Variants in LMX1B observed in about 807,000 individuals in gnomAD.
LMX1B encodes LIM homeobox transcription factor 1 beta.
Under a neutral mutation model 51.4 loss-of-function variants are expected in LMX1B, and 12 were observed. The ratio of observed to expected loss-of-function variants is 0.23; its 90% CI spans 0.15 to 0.38. The LOEUF (loss-of-function observed/expected upper bound fraction) is 0.38. LMX1B is among the 10% of genes least tolerant of loss of function. The pLI, the probability that LMX1B is intolerant of heterozygous loss-of-function variation, is 1.00. For synonymous variants in LMX1B, 237 were observed against 235.4 expected, an observed-to-expected ratio of 1.01 and a Z score of -0.06; for missense variants, 445 against 571.1, an observed-to-expected ratio of 0.78 and a Z score of 2.25.
rs1835671830 is a variant in LMX1B, at chr9:126,633,894, G to A, written c.326+18325G>A. On this transcript the variant is annotated intron_variant, in intron 2 of 7. Coordinates refer to ENST00000373474, the MANE Select transcript of LMX1B (RefSeq NM_001174147.2). ...CCCATTTCAGCGATATGGAGACTGA[G>A]GCACAGAAAGGGGTAGTCGGCAGTC... Among the ~76,000 whole-genome samples the A allele has an allele frequency of 2.0e-5, 3 of 152,280 alleles. No homozygotes were observed. The South Asian group carries it at 6.2e-4, about 32-fold the overall frequency.
intron 2 of LMX1B, among the ~76,000 whole-genome samples, chr9:126,630,006 C>T (rs571833687): frequency 6.6e-6 from 1 of 151,968 alleles, no homozygotes; most frequent in East Asian, 1.9e-4. Flanking sequence ...ATTAGCTGGG[C>T]GTCATGGCAG....
chr9:126,696,724 C>T lies in LMX1B; in HGVS notation c.*273C>T. 1.8e-6 allele frequency: 1 copy of T among 546,008 alleles called. No homozygotes were observed. The allele number at this position is 546,008 out of a possible 1,614,324, so 33.8% of individuals were successfully genotyped here. The stretch of plus-strand genomic sequence containing the variant: ...TCGGACGGCCACTCGCCTCCCAGCC[C>T]CACCTCGGCCTCCATCGCCTCCTCC... On this transcript the variant is annotated 3_prime_UTR_variant, in exon 8 of 8. Coordinates refer to ENST00000373474, the MANE Select transcript of LMX1B (RefSeq NM_001174147.2).
intron 2 of LMX1B, among the ~76,000 whole-genome samples, chr9:126,630,008 T>G (rs1835604596): frequency 1.3e-5 from 2 of 151,594 alleles, no homozygotes; most frequent in Admixed American, 1.3e-4. Context: ...TAGCTGGGCG[T>G]CATGGCAGGC....
At chr9:126,639,817 T>G (rs1235881127) in intron 2 of LMX1B, among the ~76,000 whole-genome samples, 1 of 152,252 alleles carries the variant, frequency 6.6e-6, no homozygotes, top group African/African-American at 2.4e-5. Context: ...TCGATTTTTA[T>G]TCTTCTGTCA....
intron 2 of LMX1B, among the ~76,000 whole-genome samples, chr9:126,674,895 C>G (rs1836525130): frequency 1.3e-5 from 2 of 152,194 alleles, no homozygotes; most frequent in African/African-American, 4.8e-5. Context: ...TCAAGCCACT[C>G]CCTACTTAAA....
At chr9:126,682,445 G>A (rs1420589727) in intron 2 of LMX1B, among the ~76,000 whole-genome samples, 1 of 152,180 alleles carries the variant, frequency 6.6e-6, no homozygotes, top group African/African-American at 2.4e-5. Flanking sequence ...TTATCTACGT[G>A]TTAAAATAGA....
chr9:126,631,050 G>T (rs1046616983), intron 2 of LMX1B, among the ~76,000 whole-genome samples: 3 of 152,232 alleles, frequency 2.0e-5, no homozygotes, highest in African/African-American at 7.2e-5. Context: ...GGTTCTAGTC[G>T]GCAGGCCTGG....
chr9:126,639,655 A>G (rs1367152862), intron 2 of LMX1B, among the ~76,000 whole-genome samples: 1 of 152,134 alleles, frequency 6.6e-6, no homozygotes, highest in African/African-American at 2.4e-5. Flanking sequence ...CTCAGCTGAC[A>G]GTCTCCCCTG....
chr9:126,652,700 C>T (rs1468068332), intron 2 of LMX1B, among the ~76,000 whole-genome samples: 1 of 152,220 alleles, frequency 6.6e-6, no homozygotes, highest in African/African-American at 2.4e-5. Flanking sequence ...GGACTGGGCA[C>T]TGCTTGGCGT....
At chr9:126,619,320 G>T (rs1486850687) in intron 2 of LMX1B, among the ~76,000 whole-genome samples, 2 of 152,154 alleles carry the variant, frequency 1.3e-5, no homozygotes, top group African/African-American at 4.8e-5. Context: ...GTTCGGGTGT[G>T]GCCCAGGGGG....
intron 3 of LMX1B, among the ~76,000 whole-genome samples, chr9:126,692,188 C>T (rs962132528): frequency 2.0e-5 from 3 of 152,224 alleles, no homozygotes; most frequent in Non-Finnish European, 4.4e-5. Context: ...CTGGGCAGGG[C>T]ACTGCTGCAG....
At chr9:126,665,176 G>T (rs1836318919) in intron 2 of LMX1B, among the ~76,000 whole-genome samples, 1 of 152,208 alleles carries the variant, frequency 6.6e-6, no homozygotes, top group Non-Finnish European at 1.5e-5. Context: ...CGCCTCTCTG[G>T]CTTCCTCCAG....
In LMX1B at chr9:126,696,548, A is replaced by G; in HGVS notation, c.*97A>G. ...CACCCCCGCCCTGCTCTCCGCACAG[A>G]CTACAGACAGCCATACGGTGCCCTC... On this transcript the variant is annotated 3_prime_UTR_variant, in exon 8 of 8. Coordinates refer to ENST00000373474, the MANE Select transcript of LMX1B (RefSeq NM_001174147.2). The G allele has an allele frequency of 6.9e-7, 1 of 1,440,408 alleles. No individual in the cohort carries two copies. The highest frequency in any genetic ancestry group is 9.7e-7 in the Non-Finnish European group (1 of 1,030,874). The allele number at this position is 1,440,408 out of a possible 1,614,324, so 89.2% of individuals were successfully genotyped here. A position where few individuals can be genotyped will look rare whatever the true frequency, so the allele number is the denominator to read the frequency against.
rs1431625446 is a variant in LMX1B, at chr9:126,658,338, A to T, written c.327-32498A>T. 2.6e-5 allele frequency among the ~76,000 whole-genome samples: 4 copies of T among 151,890 alleles called. No homozygotes were observed. The highest frequency in any genetic ancestry group is 9.7e-5 in the African/African-American group (4 of 41,308). On this transcript the variant is annotated intron_variant, in intron 2 of 7. Transcript: ENST00000373474. This position sits in a 1 kb window ranked among gnomAD's most constrained non-coding sequence, Gnocchi z 4.0. Reference sequence around the variant, plus strand: ...GGATCCCTTTGGCCAGGGTGTGGGGAGTGGGTAACAGCAAGCCAGCCTCAA... The same window carrying T: ...GGATCCCTTTGGCCAGGGTGTGGGGTGTGGGTAACAGCAAGCCAGCCTCAA...
In LMX1B at chr9:126,696,266, C is replaced by T. The variant is rs757361597; in HGVS notation, c.1052-28C>T. 117 of 1,611,718 alleles carry T rather than the reference C, an allele frequency of 7.3e-5. No homozygotes were observed. In the Admixed American group the frequency reaches 8.8e-4, roughly 12 times the overall value. Reference sequence around the variant, plus strand: ...CCCCCAGGAGCCCCAGCCTGTACCCCGGTCCTGACACCCCTTCTGCCCCCC... The same window carrying T: ...CCCCCAGGAGCCCCAGCCTGTACCCTGGTCCTGACACCCCTTCTGCCCCCC... On this transcript the variant is annotated intron_variant, in intron 7 of 7. Coordinates refer to ENST00000373474, the MANE Select transcript of LMX1B (RefSeq NM_001174147.2).
In LMX1B at chr9:126,695,924, G is replaced by C. The variant is rs886063418; in HGVS notation, c.972G>C (p.Gln324His). 22 of 1,613,286 alleles carry C rather than the reference G, an allele frequency of 1.4e-5. No individual in the cohort carries two copies. The African/African-American group carries it at 1.7e-4, about 13-fold the overall frequency. Residue 324 changes from glutamine to histidine, a missense_variant, in exon 7 of 8, where the codon CAG (glutamine) becomes CAC (histidine). Gln to His is a conservative substitution (Grantham distance 24). Around this residue, in one of 3 missense-constraint regions of LMX1B, gnomAD observed 162 missense variants for 187.8 expected, o/e 0.86. Coordinates refer to ENST00000373474, the MANE Select transcript of LMX1B (RefSeq NM_001174147.2). This position sits in a 1 kb window ranked among gnomAD's most constrained non-coding sequence, Gnocchi z 5.2. ...AGCAGCAGATCGTGGCCATGGAACA[G>C]AGCCCCTACGGCAGCAGCGACCCCT... ...PPQQQIVAME[Q>H]SPYGSSDPFQ... is the part of the protein sequence containing the mutation.
chr9:126,616,420 A>G (rs1198337359), intron 2 of LMX1B, among the ~76,000 whole-genome samples: 2 of 152,210 alleles, frequency 1.3e-5, no homozygotes, highest in Admixed American at 6.5e-5. Context: ...TTGGGGACAG[A>G]CAACAGGACA....
At position 126,688,018 on chromosome 9, in the gene LMX1B, C is replaced by G. The variant is rs368805299; in HGVS notation, c.327-2818C>G. On this transcript the variant is annotated intron_variant, in intron 2 of 7. Transcript: ENST00000373474. ...GGGAGTGAGTATTTCATGCATCCCC[C>G]CCGATGTTTTATTGGGTGGAGAGAT... 1.6e-3 allele frequency among the ~76,000 whole-genome samples: 250 copies of G among 152,306 alleles called. 2 individuals are homozygous for G. The highest frequency in any genetic ancestry group is 6.8e-3 in the Middle Eastern group (2 of 294).
intron 2 of LMX1B, among the ~76,000 whole-genome samples, chr9:126,668,591 T>C (rs1241455551): frequency 6.6e-6 from 1 of 152,040 alleles, no homozygotes; most frequent in African/African-American, 2.4e-5. Context: ...GTAGCTGGGA[T>C]TACAGGCGTG....
Sources: allele counts gnomAD v4.1 joint callset (sites outside exome capture counted in the v4.1 genomes callset), GRCh38; gene constraint gnomAD v4.1.1; regional missense constraint gnomAD v4.1.1; non-coding constraint Gnocchi (gnomAD v3.1); transcripts MANE v1.5; gene names NCBI Gene and HGNC (gene_info 2026-07-23, HGNC 2026-07-21).